Variants in RCC2 observed in about 807,000 individuals in gnomAD.
RCC2 encodes protein RCC2.
Under a neutral mutation model 64.1 loss-of-function variants are expected in RCC2, and 19 were observed. The ratio of observed to expected loss-of-function variants is 0.30; its 90% confidence interval spans 0.21 to 0.44. The LOEUF (loss-of-function observed/expected upper bound fraction) is 0.44. Among genes scored for constraint, RCC2 ranks in the 20% least tolerant of loss-of-function variants. The probability of loss-of-function intolerance (pLI) is 1.00; values close to 1 mark genes in which losing one functional copy is unlikely to be tolerated. For synonymous variants in RCC2, 325 were observed against 279.6 expected, an observed-to-expected ratio of 1.16 and a Z score of -1.62; for missense variants, 508 against 710.4, an observed-to-expected ratio of 0.72 and a Z score of 3.24.
In RCC2 at chr1:17,416,596, C is replaced by A; in HGVS notation, c.910G>T (p.Asp304Tyr). The change falls in exon 8 of 13, where the codon GAC (aspartate) becomes TAC (tyrosine). Residue 304 changes from aspartate (D) to tyrosine (Y), a missense_variant. Asp to Tyr is a radical substitution (Grantham distance 160). Transcript: ENST00000375436. ...ACTCGCCGGGGAACTAGTTCACAGT[C>A]GTACTCTATCCGCTGTGCCCGGGCG... is the stretch of plus-strand genomic sequence containing the variant. ...FIARAQRIEY[D>Y]CELVPRRVAI... The A allele has an allele frequency of 6.2e-7, 1 of 1,613,994 alleles. No homozygotes were observed. The highest frequency in any genetic ancestry group is 8.5e-7 in the Non-Finnish European group (1 of 1,180,032).
At chr1:17,418,441 G>C (rs143301102) in intron 7 of RCC2, among the ~76,000 whole-genome samples, 2 of 152,172 alleles carry the variant, frequency 1.3e-5, no homozygotes, top group East Asian at 3.9e-4. Context: ...GGCGGATCAC[G>C]AGGTCAAGAG....
In RCC2 at chr1:17,408,458, G is replaced by A. The variant is rs1363870814; in HGVS notation, c.*632C>T. On this transcript the variant is annotated 3_prime_UTR_variant, in exon 13 of 13. Transcript: ENST00000375436. Reference sequence around the variant, plus strand: ...AACACAGATCCCCAATCCCCCACCAGGGGGGACACGGCCGATTCTATAATG... The same window carrying A: ...AACACAGATCCCCAATCCCCCACCAAGGGGGACACGGCCGATTCTATAATG... 1 of 152,482 alleles carries A rather than the reference G, an allele frequency of 6.6e-6. No homozygotes were observed. Among genetic ancestry groups the A allele is most frequent in the African/African-American group, 2.4e-5 (1 of 41,448 alleles). The allele number at this position is 152,482 out of a possible 1,614,324, so 9.4% of individuals were successfully genotyped here. A position where few individuals can be genotyped will look rare whatever the true frequency, so the allele number is the denominator to read the frequency against.
intron 4 of RCC2, among the ~76,000 whole-genome samples, chr1:17,423,953 C>T (rs2100375854): frequency 1.3e-5 from 2 of 152,332 alleles, no homozygotes; most frequent in South Asian, 4.1e-4. Flanking sequence ...CTGACTCGCT[C>T]TAATTAAAGA....
rs1246668020 is a variant in RCC2, at chr1:17,422,127, G to C, written c.744+76C>G. 7 of 1,040,502 alleles carry C rather than the reference G, an allele frequency of 6.7e-6. No homozygotes were observed. In the Admixed American group the frequency reaches 9.0e-5, roughly 13 times the overall value. 64.5% of individuals were successfully genotyped at this position (1,040,502 alleles called of 1,614,324 possible). A position where few individuals can be genotyped will look rare whatever the true frequency, so the allele number is the denominator to read the frequency against. ...CAAGGGGTAAATTAACTCAAACGGA[G>C]ACCCCACCTTAGAAAATCAAACACA... is the stretch of plus-strand genomic sequence containing the variant. On this transcript the variant is annotated intron_variant, in intron 6 of 12. Coordinates refer to ENST00000375436, the MANE Select transcript of RCC2 (RefSeq NM_018715.4).
chr1:17,431,941 A>C (rs1479020712), intron 2 of RCC2, among the ~76,000 whole-genome samples: 1 of 152,152 alleles, frequency 6.6e-6, no homozygotes, highest in African/African-American at 2.4e-5. Flanking sequence ...TCTACTAAAA[A>C]TACAAAAAAT....
intron 7 of RCC2, among the ~76,000 whole-genome samples, chr1:17,419,393 A>C (rs1165358162): frequency 6.6e-6 from 1 of 152,144 alleles, no homozygotes; most frequent in Non-Finnish European, 1.5e-5. Flanking sequence ...AGTTCAGTGC[A>C]CTGCAAAAAA....
rs2100347068 is a variant in RCC2, at chr1:17,408,715, G to T, written c.*375C>A. 5.5e-6 allele frequency: 1 copy of T among 182,718 alleles called. No homozygotes were observed. Among genetic ancestry groups the T allele is most frequent in the East Asian group, 1.5e-4 (1 of 6,806 alleles). The allele number at this position is 182,718 out of a possible 1,614,324, so 11.3% of individuals were successfully genotyped here. A position where few individuals can be genotyped will look rare whatever the true frequency, so the allele number is the denominator to read the frequency against. The stretch of plus-strand genomic sequence containing the variant: ...TTCCTCTTCCATGTGGCATCTGCTT[G>T]GATCACGATGCTAATTGTAACTGGA... On this transcript the variant is annotated 3_prime_UTR_variant, in exon 13 of 13. Transcript: ENST00000375436.
intron 11 of RCC2, among the ~76,000 whole-genome samples, 183 bp downstream of exon 11, chr1:17,411,939 T>TA (rs2075431203): frequency 6.6e-6 from 1 of 152,242 alleles, no homozygotes. Context: ...ATTATCTGAC[T>TA]AGCACAGAAT....
chr1:17,433,319 C>G (rs1053969676), intron 2 of RCC2, among the ~76,000 whole-genome samples: 1 of 152,240 alleles, frequency 6.6e-6, no homozygotes, highest in Non-Finnish European at 1.5e-5. Flanking sequence ...TAACAGAGAA[C>G]TCCCAGCACC....
chr1:17,427,571 A>T (rs1310431352), intron 3 of RCC2, among the ~76,000 whole-genome samples: 3 of 152,236 alleles, frequency 2.0e-5, no homozygotes, highest in Non-Finnish European at 4.4e-5. Context: ...TTTGCCATGA[A>T]GACAAAATGA....
chr1:17,421,580 T>C (rs1229630548), intron 6 of RCC2, among the ~76,000 whole-genome samples: 1 of 152,142 alleles, frequency 6.6e-6, no homozygotes, highest in Non-Finnish European at 1.5e-5. Context: ...ACAAAGTATT[T>C]GGGGGAAGTA....
At chr1:17,410,738 G>GC (rs1272255016) in intron 11 of RCC2, among the ~76,000 whole-genome samples, 1 of 152,124 alleles carries the variant, frequency 6.6e-6, no homozygotes, top group Non-Finnish European at 1.5e-5. Flanking sequence ...TTCATCTCCT[G>GC]CCAGGCCCCA....
intron 2 of RCC2, among the ~76,000 whole-genome samples, chr1:17,437,562 C>G (rs1440624400): frequency 1.7e-5 from 2 of 116,634 alleles, no homozygotes; most frequent in Admixed American, 1.9e-4. Flanking sequence ...CTTGGGGGGG[C>G]TACAACAGAG....
chr1:17,420,021 C>A (rs2075537407), intron 7 of RCC2, among the ~76,000 whole-genome samples: 1 of 152,216 alleles, frequency 6.6e-6, no homozygotes, highest in African/African-American at 2.4e-5. Flanking sequence ...GCGCGCGCGG[C>A]CAGCAGAGGG....
chr1:17,429,008 T>C, intron 3 of RCC2, 98 bp downstream of exon 3: 6 of 946,078 alleles, frequency 6.3e-6, no homozygotes, highest in Non-Finnish European at 1.0e-5. Flanking sequence ...TCTGTGAAAA[T>C]GCATTTGTAA....
intron 7 of RCC2, among the ~76,000 whole-genome samples, chr1:17,417,956 A>G (rs1271469896): frequency 6.6e-6 from 1 of 152,240 alleles, no homozygotes; most frequent in African/African-American, 2.4e-5. Flanking sequence ...AACTACTTAC[A>G]TAACATTTAC....
intron 8 of RCC2, among the ~76,000 whole-genome samples, chr1:17,415,923 C>G (rs773604873): frequency 1.3e-5 from 2 of 150,040 alleles, no homozygotes; most frequent in Non-Finnish European, 3.0e-5. Flanking sequence ...ACAAAACTAG[C>G]CGGGGCATGG....
chr1:17,410,675 C>G (rs987755553), intron 11 of RCC2, among the ~76,000 whole-genome samples: 1 of 151,984 alleles, frequency 6.6e-6, no homozygotes, highest in Admixed American at 6.6e-5. Context: ...TCCCACAGGG[C>G]GGGAGAGGAG....
At chr1:17,438,790 G>C (rs1392335554) in intron 1 of RCC2, among the ~76,000 whole-genome samples, 2 of 152,138 alleles carry the variant, frequency 1.3e-5, no homozygotes, top group Non-Finnish European at 2.9e-5. Flanking sequence ...CGGCCTATCC[G>C]TAAGTTAGGT....
Sources: gnomAD v4.1 joint callset for allele counts (sites outside exome capture counted in the v4.1 genomes callset) on GRCh38, gnomAD v4.1.1 for gene constraint, MANE v1.5 for transcripts, NCBI Gene and HGNC (gene_info 2026-07-23, HGNC 2026-07-21) for gene names.